Variants in NDUFAF6 observed in about 807,000 individuals in gnomAD.
NDUFAF6 encodes the protein NADH dehydrogenase (ubiquinone) complex I, assembly factor 6.
In NDUFAF6, 45 loss-of-function variants were observed where a neutral mutation model predicts 40.8. The ratio of observed to expected loss-of-function variants is 1.10; its 90% CI spans 0.87 to 1.42. The LOEUF (loss-of-function observed/expected upper bound fraction) is 1.42. Among genes scored for constraint, NDUFAF6 ranks in the 40% most tolerant of loss-of-function variants. The pLI is 0.00. For synonymous variants in NDUFAF6, 185 were observed against 155.9 expected (o/e 1.19, Z -1.39); for missense variants, 435 against 418.5 (o/e 1.04, Z -0.34).
intron 2 of NDUFAF6, among the ~76,000 whole-genome samples, chr8:95,000,573 A>G (rs1826676312): frequency 6.6e-6 from 1 of 152,054 alleles, no homozygotes; most frequent in Admixed American, 6.6e-5. Context: ...TTAATCTAAA[A>G]GTAAAATATG....
At chr8:95,002,693 A>T (rs1826790737) in intron 2 of NDUFAF6, among the ~76,000 whole-genome samples, 1 of 152,214 alleles carries the variant, frequency 6.6e-6, no homozygotes, top group African/African-American at 2.4e-5. Flanking sequence ...CTGTTATGCT[A>T]GGTGCTGGGA....
chr8:94,937,536 A>G (rs1279766181), intron 1 of NDUFAF6, among the ~76,000 whole-genome samples: 2 of 152,062 alleles, frequency 1.3e-5, no homozygotes, highest in Admixed American at 6.5e-5. Context: ...GTATCTGAGG[A>G]AGAAGGGATG....
chr8:94,911,303 A>G (rs1356373927), intron 1 of NDUFAF6, among the ~76,000 whole-genome samples: 2 of 152,258 alleles, frequency 1.3e-5, no homozygotes, highest in African/African-American at 4.8e-5. Flanking sequence ...TTTGGAATTA[A>G]TAAATTACCT....
intron 1 of NDUFAF6, among the ~76,000 whole-genome samples, chr8:94,911,418 T>G (rs562005862): frequency 6.6e-6 from 1 of 152,372 alleles, no homozygotes; most frequent in African/African-American, 2.4e-5. Flanking sequence ...AATGTTACTT[T>G]CTTTTTCCTC....
chr8:95,103,556 G>A (rs942682373), downstream of NDUFAF6: 2 of 152,100 alleles, frequency 1.3e-5, no homozygotes, highest in Non-Finnish European at 2.9e-5. Flanking sequence ...AACATTCAGG[G>A]GCTGACCCTG....
At chr8:95,076,053 A>C (rs541874507) in exon 10 of NDUFAF6, 1 of 167,872 alleles carries the variant, frequency 6.0e-6, no homozygotes, top group East Asian at 1.7e-4. Context: ...AAAAGGGCTC[A>C]ATTTTTACAT....
intron 1 of NDUFAF6, among the ~76,000 whole-genome samples, chr8:94,972,864 A>C (rs1267393477): frequency 6.6e-6 from 1 of 152,066 alleles, no homozygotes; most frequent in African/African-American, 2.4e-5. Flanking sequence ...GTGCCACTGC[A>C]TGCAGCCTGG....
intron 8 of NDUFAF6, among the ~76,000 whole-genome samples, chr8:95,056,219 G>A (rs1832115536): frequency 6.6e-6 from 1 of 151,012 alleles, no homozygotes; most frequent in Non-Finnish European, 1.5e-5. Context: ...TTCGATCAAA[G>A]AATTTCTGGA....
chr8:95,085,253 T>C lies in NDUFAF6; in HGVS notation n.213+9501T>C, dbSNP rs74611946. 6.6e-3 allele frequency among the ~76,000 whole-genome samples: 1,004 copies of C among 152,300 alleles called. 11 individuals carry two copies. Among genetic ancestry groups the C allele is most frequent in the African/African-American group, 0.023 (943 of 41,566 alleles). On this transcript the variant is annotated intron_variant and non_coding_transcript_variant, in intron 2 of 5. Coordinates refer to the NDUFAF6 transcript ENST00000523184. ...AGTCTTTAGATAATGTGATTCAAGATGAGAAAAGTTAGACCTTGATCTAAG... is the reference window on the plus strand; with the variant it reads ...AGTCTTTAGATAATGTGATTCAAGACGAGAAAAGTTAGACCTTGATCTAAG...
intron 1 of NDUFAF6, among the ~76,000 whole-genome samples, chr8:94,974,078 A>G (rs17665737): frequency 0.13 from 19,320 of 152,154 alleles, 1,558 homozygotes; most frequent in Middle Eastern, 0.2. Context: ...GCCAGTCCTC[A>G]AGGTTAGAGC....
At chr8:95,008,930 C>T (rs886809398) in intron 2 of NDUFAF6, among the ~76,000 whole-genome samples, 6 of 152,138 alleles carry the variant, frequency 3.9e-5, no homozygotes, top group Non-Finnish European at 5.9e-5. Context: ...GGCATGGTGG[C>T]TCACGCCTAT....
intron 3 of NDUFAF6, among the ~76,000 whole-genome samples, chr8:95,039,469 G>A (rs1244935014): frequency 6.6e-6 from 1 of 151,204 alleles, no homozygotes; most frequent in Non-Finnish European, 1.5e-5. Flanking sequence ...AAAAAGGGGG[G>A]GTTTCACTGT....
chr8:95,103,309 C>T (rs1187181713), exon 3 of NDUFAF6: 1 of 152,166 alleles, frequency 6.6e-6, no homozygotes, highest in Non-Finnish European at 1.5e-5. Context: ...CAAAAATCTA[C>T]TGTACTGGTG....
intron 9 of NDUFAF6, chr8:95,073,143 G>C (rs1587236402): frequency 6.6e-6 from 1 of 152,634 alleles, no homozygotes; most frequent in Non-Finnish European, 1.5e-5. Flanking sequence ...GGCTCCGACC[G>C]GACGGAAGGA....
At chr8:94,935,696 T>C (rs765732353) in intron 1 of NDUFAF6, among the ~76,000 whole-genome samples, 1 of 152,202 alleles carries the variant, frequency 6.6e-6, no homozygotes, top group East Asian at 1.9e-4. Context: ...TACTGTGGTA[T>C]CAAGATCTAT....
chr8:95,033,724 G>A (rs1829138578), intron 2 of NDUFAF6, among the ~76,000 whole-genome samples: 1 of 152,172 alleles, frequency 6.6e-6, no homozygotes, highest in South Asian at 2.1e-4. Context: ...ATCTGAAGGA[G>A]GTGAGGGAGT....
chr8:95,009,820 G>GTTCAAT (rs1827156047), intron 2 of NDUFAF6, among the ~76,000 whole-genome samples: 1 of 152,162 alleles, frequency 6.6e-6, no homozygotes, highest in South Asian at 2.1e-4. Flanking sequence ...TCCCTCTATT[G>GTTCAAT]AACACACAGA....
At chr8:94,997,489 T>C (rs1738493393) in intron 2 of NDUFAF6, among the ~76,000 whole-genome samples, 2 of 152,210 alleles carry the variant, frequency 1.3e-5, no homozygotes, top group African/African-American at 4.8e-5. Context: ...ATGAATGTAT[T>C]TTTGACTCAG....
chr8:95,005,981 C>T (rs1482732538), intron 2 of NDUFAF6, among the ~76,000 whole-genome samples: 1 of 152,120 alleles, frequency 6.6e-6, no homozygotes, highest in Non-Finnish European at 1.5e-5. Context: ...CTCTATTGAC[C>T]TACACCCAGA....
Sources: allele counts gnomAD v4.1 joint callset (sites outside exome capture counted in the v4.1 genomes callset), GRCh38; gene constraint gnomAD v4.1.1; transcripts MANE v1.5; gene names NCBI Gene and HGNC (gene_info 2026-07-23, HGNC 2026-07-21).